CASD1: variants seen among roughly 807,000 people sequenced by gnomAD.
CASD1 encodes the protein N-acetylneuraminate (7)9-O-acetyltransferase.
In CASD1, 41 loss-of-function variants were observed where a neutral mutation model predicts 100.0. The ratio of observed to expected loss-of-function variants is 0.41; its 90% CI spans 0.32 to 0.53. The LOEUF is 0.53. CASD1 is among the 20% of genes least tolerant of loss of function. CASD1 has a pLI of 0.25. For missense variants in CASD1, 774 were observed against 948.7 expected (o/e 0.82, Z 2.42); for synonymous variants, 321 against 315.6 (o/e 1.02, Z -0.18).
chr7:94,586,046 A>C, the CASD1 span, among the ~76,000 whole-genome samples: 1 of 150,594 alleles, frequency 6.6e-6, no homozygotes, highest in Non-Finnish European at 1.5e-5. Flanking sequence ...TTTAAAAGAA[A>C]ACAAGGAACT....
the CASD1 span, among the ~76,000 whole-genome samples, chr7:94,574,261 G>A: frequency 6.6e-6 from 1 of 152,116 alleles, no homozygotes; most frequent in East Asian, 1.9e-4. Flanking sequence ...TTGAGGAGGA[G>A]TCCCACCTCC....
At chr7:94,590,114 G>GA in the CASD1 span, 3 of 152,174 alleles carry the variant, frequency 2.0e-5, no homozygotes, top group East Asian at 5.8e-4. Context: ...AGTGCCCCAT[G>GA]TCTGCTTGAA....
At chr7:94,602,660 A>G in the CASD1 span, among the ~76,000 whole-genome samples, 1 of 145,998 alleles carries the variant, frequency 6.8e-6, no homozygotes, top group African/African-American at 2.4e-5. Context: ...ATACAGACAT[A>G]TAATATAAAA....
chr7:94,546,082 A>G (rs774450186), intron 12 of CASD1, among the ~76,000 whole-genome samples: 8 of 151,990 alleles, frequency 5.3e-5, no homozygotes, highest in African/African-American at 9.7e-5. Context: ...TTTTGCTTCA[A>G]TCTTGGCAGC....
chr7:94,615,479 A>T, the CASD1 span, among the ~76,000 whole-genome samples: 1 of 152,154 alleles, frequency 6.6e-6, no homozygotes, highest in Admixed American at 6.5e-5. Context: ...CTCTACTGAA[A>T]TTGGCCCAGG....
intron 1 of CASD1, among the ~76,000 whole-genome samples, chr7:94,513,750 G>A (rs1486723785): frequency 6.6e-6 from 1 of 152,122 alleles, no homozygotes; most frequent in Non-Finnish European, 1.5e-5. Flanking sequence ...CACACAATAG[G>A]AAATCCTTAA....
chr7:94,512,215 T>C (rs779942137), intron 1 of CASD1, among the ~76,000 whole-genome samples: 83 of 152,144 alleles, frequency 5.5e-4, no homozygotes, highest in Non-Finnish European at 1.0e-3. Context: ...GAACTGTCTT[T>C]GGGCCACACA....
rs565194927 is a variant in CASD1, at chr7:94,554,907, C to T, written c.2127+332C>T. Among the ~76,000 whole-genome samples, 87 of 152,018 alleles carry T rather than the reference C, an allele frequency of 5.7e-4. 1 individual carries two copies. Among genetic ancestry groups the T allele is most frequent in the Admixed American group, 2.9e-3 (44 of 15,232 alleles). ...GACCAGGTATATAAATGAAATCAAA[C>T]TGAGGGGATTTTGATTTTTTGTTCA... On this transcript the variant is annotated intron_variant, in intron 17 of 17. Transcript: ENST00000297273.
chr7:94,519,342 A>G (rs1465671747), intron 3 of CASD1, among the ~76,000 whole-genome samples: 1 of 152,152 alleles, frequency 6.6e-6, no homozygotes, highest in Non-Finnish European at 1.5e-5. Flanking sequence ...GGAAAGTCGA[A>G]CACAAGAAAG....
At chr7:94,603,580 G>T in the CASD1 span, 2 of 804,428 alleles carry the variant, frequency 2.5e-6, no homozygotes, top group Non-Finnish European at 4.1e-6. Flanking sequence ...TGAGGTAGGG[G>T]CCTCGGCTCT....
Position 94,533,720 on chromosome 7 carries a change from T to A in CASD1, c.546T>A (p.Ser182=). 6.2e-7 allele frequency: 1 copy of A among 1,606,558 alleles called. No homozygotes were observed. The highest frequency in any genetic ancestry group is 8.5e-7 in the Non-Finnish European group (1 of 1,176,482). Residue 182 remains serine, a synonymous_variant, in exon 7 of 18, where the codon TCT becomes TCA. Coordinates refer to ENST00000297273, the MANE Select transcript of CASD1 (RefSeq NM_022900.5). Reference sequence around the variant, plus strand: ...ACAATGGTAGCAGTGAAGCGCTTTCTCAATATAAAATGAACATCACCTCCA... The same window carrying A: ...ACAATGGTAGCAGTGAAGCGCTTTCACAATATAAAATGAACATCACCTCCA... The part of the protein sequence containing the change: ...KIHNGSSEAL[S]QYKMNITSIA...
chr7:94,552,257 TATAA>T (rs1795986029), intron 15 of CASD1, 89 bp from the exon 16 acceptor site: 4 of 827,776 alleles, frequency 4.8e-6, no homozygotes, highest in Middle Eastern at 2.6e-4. Flanking sequence ...AGTATAATGT[TATAA>T]ATAAAGAACT....
the CASD1 span, chr7:94,623,276 T>A: frequency 8.5e-7 from 1 of 1,177,872 alleles, no homozygotes; most frequent in East Asian, 2.5e-5. Flanking sequence ...TAAAACATAA[T>A]GAAATACTTC....
chr7:94,630,840 A>G, the CASD1 span, among the ~76,000 whole-genome samples: 2 of 151,938 alleles, frequency 1.3e-5, no homozygotes, highest in South Asian at 4.1e-4. Context: ...ATGAACCACA[A>G]GGCTGCTCAC....
the CASD1 span, among the ~76,000 whole-genome samples, chr7:94,572,806 A>G: frequency 6.6e-6 from 1 of 152,084 alleles, no homozygotes; most frequent in Non-Finnish European, 1.5e-5. Flanking sequence ...ATCTTTGCCC[A>G]TTCCTATGCC....
rs757228618 is a variant in CASD1, at chr7:94,535,378, A to T, written c.698A>T (p.Asn233Ile). Residue 233 changes from asparagine (N) to isoleucine (I), a missense_variant, in exon 8 of 18, where the codon AAT (asparagine) becomes ATT (isoleucine). Around this residue, in one of 5 missense-constraint regions of CASD1, gnomAD observed 453 missense variants for 532.6 expected, o/e 0.85. Coordinates refer to ENST00000297273, the MANE Select transcript of CASD1 (RefSeq NM_022900.5). ...ACTAATGAGAAGATAGATGCTTACA[A>T]TGAAGCTGCAGTCAGTATTTTGAAT... ...MITNEKIDAYNEAAVSILNSS... is the reference protein window; with the variant it reads ...MITNEKIDAYIEAAVSILNSS... 6.2e-7 allele frequency: 1 copy of T among 1,613,560 alleles called. No homozygotes were observed. The highest frequency in any genetic ancestry group is 8.5e-7 in the Non-Finnish European group (1 of 1,179,642).
the CASD1 span, among the ~76,000 whole-genome samples, chr7:94,615,495 G>A: frequency 6.6e-6 from 1 of 152,122 alleles, no homozygotes; most frequent in Non-Finnish European, 1.5e-5. Context: ...CCAGGATCAT[G>A]ACTTTCCATC....
At chr7:94,591,279 A>T in the CASD1 span, among the ~76,000 whole-genome samples, 121 of 152,334 alleles carry the variant, frequency 7.9e-4, 2 homozygotes, top group Middle Eastern at 0.01. Context: ...TTAGATGGGC[A>T]TCTCACACAG....
At chr7:94,557,974 C>T (rs571646814), downstream of CASD1, among the ~76,000 whole-genome samples, 1 of 152,124 alleles carries the variant, frequency 6.6e-6, no homozygotes, top group South Asian at 2.1e-4. Context: ...AGATTTTTAA[C>T]AGGATGTTTA....
Sources: allele counts gnomAD v4.1 joint callset (sites outside exome capture counted in the v4.1 genomes callset), GRCh38; gene constraint gnomAD v4.1.1; regional missense constraint gnomAD v4.1.1; transcripts MANE v1.5; gene names NCBI Gene and HGNC (gene_info 2026-07-23, HGNC 2026-07-21).